Variants in GUCY1A2 observed in about 807,000 individuals in gnomAD.
GUCY1A2 encodes guanylate cyclase 1 soluble subunit alpha 2.
In GUCY1A2, 27 loss-of-function variants were observed where a neutral mutation model predicts 63.5. The observed-to-expected ratio is 0.43, with a 90% CI of 0.31 to 0.59. The LOEUF is 0.59. Among genes scored for constraint, GUCY1A2 ranks in the 20% least tolerant of loss-of-function variants. The probability of loss-of-function intolerance (pLI) is 0.11; values close to 1 mark genes in which losing one functional copy is unlikely to be tolerated. For synonymous variants in GUCY1A2, 364 were observed against 343.5 expected (o/e 1.06, Z -0.66); for missense variants, 768 against 913.3 (o/e 0.84, Z 2.05).
chr11:106,764,969 T>TG (rs1565282247), intron 6 of GUCY1A2, among the ~76,000 whole-genome samples: 3 of 28,872 alleles, frequency 1.0e-4, no homozygotes, highest in African/African-American at 3.7e-4. Flanking sequence ...GCAGATTTTT[T>TG]TGGGGGGGGG....
At chr11:106,838,569 T>A (rs543778802) in intron 4 of GUCY1A2, among the ~76,000 whole-genome samples, 1 of 152,100 alleles carries the variant, frequency 6.6e-6, no homozygotes, top group Admixed American at 6.6e-5. Flanking sequence ...GCAATTGGTG[T>A]AATTTATCAT....
intron 6 of GUCY1A2, among the ~76,000 whole-genome samples, chr11:106,742,543 G>C (rs1037637043): frequency 6.6e-6 from 1 of 152,178 alleles, no homozygotes; most frequent in Non-Finnish European, 1.5e-5. Context: ...TGGCTGCATA[G>C]TATTCCATGG....
intron 6 of GUCY1A2, among the ~76,000 whole-genome samples, chr11:106,768,346 A>G (rs1864198603): frequency 7.8e-6 from 1 of 127,424 alleles, no homozygotes; most frequent in Admixed American, 8.5e-5. Flanking sequence ...TTTTGGATGG[A>G]ATACCTTTAA....
intron 1 of GUCY1A2, among the ~76,000 whole-genome samples, chr11:107,012,671 G>C (rs1015761104): frequency 2.6e-5 from 4 of 152,134 alleles, no homozygotes; most frequent in African/African-American, 7.2e-5. Flanking sequence ...TGGGGATAAG[G>C]TAAAGAAAGG....
intron 4 of GUCY1A2, among the ~76,000 whole-genome samples, chr11:106,878,253 A>G (rs1859777535): frequency 6.6e-6 from 1 of 152,098 alleles, no homozygotes; most frequent in East Asian, 1.9e-4. Flanking sequence ...ATAAATAACC[A>G]TTCGACCTAG....
At chr11:106,758,549 A>T (rs1864012840) in intron 6 of GUCY1A2, among the ~76,000 whole-genome samples, 1 of 152,190 alleles carries the variant, frequency 6.6e-6, no homozygotes, top group Non-Finnish European at 1.5e-5. Context: ...CAGGTACCTC[A>T]GTTGGAAATG....
intron 5 of GUCY1A2, among the ~76,000 whole-genome samples, chr11:106,788,208 T>C (rs1864599016): frequency 6.6e-6 from 1 of 151,854 alleles, no homozygotes. Context: ...CTCAGACCTT[T>C]TGTCCATTTT....
chr11:106,840,869 A>T (rs184876277), intron 4 of GUCY1A2, among the ~76,000 whole-genome samples: 1 of 152,102 alleles, frequency 6.6e-6, no homozygotes, highest in East Asian at 1.9e-4. Flanking sequence ...AATTTTGAGA[A>T]AAATTCATTC....
At chr11:106,814,619 T>C (rs960745440) in intron 4 of GUCY1A2, among the ~76,000 whole-genome samples, 16 of 152,042 alleles carry the variant, frequency 1.1e-4, no homozygotes, top group Admixed American at 9.8e-4. Context: ...TAAGGATATC[T>C]GACCTGGAGA....
intron 4 of GUCY1A2, among the ~76,000 whole-genome samples, chr11:106,877,646 A>G (rs914193021): frequency 6.6e-6 from 1 of 152,138 alleles, no homozygotes; most frequent in African/African-American, 2.4e-5. Context: ...TAAAGGCTTA[A>G]ATGTAAAACC....
intron 4 of GUCY1A2, among the ~76,000 whole-genome samples, chr11:106,924,762 T>C (rs1030706079): frequency 1.3e-5 from 2 of 152,106 alleles, no homozygotes. Flanking sequence ...CCCAGCACTT[T>C]GGGAGGTCGA....
chr11:106,872,507 T>C (rs1048466737), intron 4 of GUCY1A2, among the ~76,000 whole-genome samples: 1 of 152,106 alleles, frequency 6.6e-6, no homozygotes, highest in African/African-American at 2.4e-5. Context: ...GACTAGAAGA[T>C]AAGGAACAGA....
intron 4 of GUCY1A2, among the ~76,000 whole-genome samples, chr11:106,821,714 G>A (rs1858905983): frequency 6.6e-6 from 1 of 152,138 alleles, no homozygotes; most frequent in Admixed American, 6.5e-5. Context: ...GTAATAGAGA[G>A]CCATTTGGAT....
At chr11:106,712,028 TG>T (rs1351869372) in intron 6 of GUCY1A2, among the ~76,000 whole-genome samples, 17 of 152,166 alleles carry the variant, frequency 1.1e-4, no homozygotes, top group Middle Eastern at 3.4e-3. Flanking sequence ...TTTTTTCTTG[TG>T]TTTTGGGTTT....
At chr11:106,822,402 GGTTT>G (rs1858915109) in intron 4 of GUCY1A2, among the ~76,000 whole-genome samples, 2 of 152,060 alleles carry the variant, frequency 1.3e-5, no homozygotes, top group East Asian at 1.9e-4. Context: ...CACATGTGCA[GGTTT>G]GTTACATGGG....
chr11:106,781,859 C>T (rs922672333), intron 5 of GUCY1A2, among the ~76,000 whole-genome samples: 16 of 152,090 alleles, frequency 1.1e-4, no homozygotes, highest in South Asian at 4.1e-4. Flanking sequence ...TAAGCCACCA[C>T]GCCCATCCCA....
At chr11:106,689,710 G>A (rs1358466098) in intron 7 of GUCY1A2, among the ~76,000 whole-genome samples, 2 of 152,082 alleles carry the variant, frequency 1.3e-5, no homozygotes, top group Non-Finnish European at 2.9e-5. Context: ...AAAGCCAAGG[G>A]CCGGGCACGG....
intron 3 of GUCY1A2, among the ~76,000 whole-genome samples, chr11:106,957,093 G>C (rs1254205199): frequency 6.6e-6 from 1 of 152,184 alleles, no homozygotes; most frequent in Non-Finnish European, 1.5e-5. Context: ...GTTGGGCTGT[G>C]GGGACAAGTC....
chr11:106,842,373 A>G (rs574128722), intron 4 of GUCY1A2, among the ~76,000 whole-genome samples: 2 of 152,044 alleles, frequency 1.3e-5, no homozygotes, highest in South Asian at 4.2e-4. Flanking sequence ...CCTGACTGAT[A>G]TGCTAATATA....
Sources: gnomAD v4.1 joint callset for allele counts (sites outside exome capture counted in the v4.1 genomes callset) on GRCh38, gnomAD v4.1.1 for gene constraint, MANE v1.5 for transcripts, NCBI Gene and HGNC (gene_info 2026-07-23, HGNC 2026-07-21) for gene names.